The following DBF4B variants were observed in gnomAD, a reference collection of about 807,000 sequenced individuals.
DBF4B encodes the protein DBF4B-CDC7 kinase regulatory subunit.
Under a neutral mutation model 53.4 loss-of-function variants are expected in DBF4B, and 49 were observed. That is an observed-to-expected ratio of 0.92 (90% CI 0.73 to 1.16). The LOEUF (loss-of-function observed/expected upper bound fraction) is 1.16, where lower values mean the gene tolerates loss of function less well. Ranked by LOEUF, DBF4B falls within the 50% of genes most tolerant of loss-of-function variation. DBF4B has a pLI of 0.00. For missense variants in DBF4B, 692 were observed against 775.0 expected (o/e 0.89, Z 1.27); for synonymous variants, 257 against 288.7 (o/e 0.89, Z 1.11).
chr17:44,748,254 T>C (rs2049162236), intron 12 of DBF4B, 87 bp from the exon 13 acceptor site: 1 of 1,494,950 alleles, frequency 6.7e-7, no homozygotes, highest in Non-Finnish European at 9.0e-7. Context: ...AACCGCCAGC[T>C]GTGGCAGCTC....
At chr17:44,745,648 T>G (rs899281958) in intron 10 of DBF4B, among the ~76,000 whole-genome samples, 2 of 152,194 alleles carry the variant, frequency 1.3e-5, no homozygotes, top group Non-Finnish European at 2.9e-5. Flanking sequence ...CCATTGACAC[T>G]TGGGGATTAT....
At chr17:44,736,122 C>T (rs563221485) in intron 7 of DBF4B, among the ~76,000 whole-genome samples, 40 of 151,604 alleles carry the variant, frequency 2.6e-4, no homozygotes, top group African/African-American at 5.6e-4. Flanking sequence ...GCTAGGACTA[C>T]GGGCATGCGC....
intron 2 of DBF4B, among the ~76,000 whole-genome samples, chr17:44,710,974 TGA>T (rs1972816174): frequency 7.3e-6 from 1 of 136,824 alleles, no homozygotes; most frequent in African/African-American, 2.5e-5. Flanking sequence ...TATTCCAGTT[TGA>T]TTTTTTTTTT....
At chr17:44,717,615 A>C (rs1486899877) in intron 2 of DBF4B, among the ~76,000 whole-genome samples, 1 of 151,594 alleles carries the variant, frequency 6.6e-6, no homozygotes, top group Non-Finnish European at 1.5e-5. Flanking sequence ...AGGCTGAGGC[A>C]GGAGAATCAC....
chr17:44,723,883 G>T (rs1264971930), intron 3 of DBF4B, among the ~76,000 whole-genome samples: 1 of 152,202 alleles, frequency 6.6e-6, no homozygotes, highest in East Asian at 1.9e-4. Context: ...GGCTGAGGAG[G>T]ACAGATCACT....
At chr17:44,726,902 C>T (rs994603992) in intron 3 of DBF4B, among the ~76,000 whole-genome samples, 8 of 152,042 alleles carry the variant, frequency 5.3e-5, no homozygotes, top group Non-Finnish European at 1.2e-4. Context: ...AGTTCAAGGC[C>T]AGCCTGGCCA....
Position 44,751,675 on chromosome 17 carries a change from C to T in DBF4B, c.*422C>T. 7.1e-7 allele frequency: 1 copy of T among 1,402,036 alleles called. No individual in the cohort carries two copies. The highest frequency in any genetic ancestry group is 9.3e-7 in the Non-Finnish European group (1 of 1,080,286). The allele number at this position is 1,402,036 out of a possible 1,614,324, so 86.8% of individuals were successfully genotyped here. A position where few individuals can be genotyped will look rare whatever the true frequency, so the allele number is the denominator to read the frequency against. ...GGCTCCCACCTTCTGTTCTCTGGCT[C>T]CTTCCTGCGGTCTATACCTACCGCC... On this transcript the variant is annotated 3_prime_UTR_variant, in exon 14 of 14. Transcript: ENST00000315005.
chr17:44,747,230 C>A, intron 11 of DBF4B, 39 bp downstream of exon 11: 1 of 1,608,792 alleles, frequency 6.2e-7, no homozygotes, highest in Non-Finnish European at 8.5e-7. Flanking sequence ...TCCCAGAGTG[C>A]CCTGAGGGAG....
intron 2 of DBF4B, among the ~76,000 whole-genome samples, chr17:44,712,002 C>G (rs1598751873): frequency 6.6e-6 from 1 of 150,668 alleles, no homozygotes; most frequent in East Asian, 2.0e-4. Context: ...GAGGCTGAAG[C>G]AGGAGAATTG....
rs772111644 is a variant in DBF4B at position 44,722,862 on chromosome 17, C to G, written c.83-18C>G. 2 of 1,612,264 alleles carry G rather than the reference C, an allele frequency of 1.2e-6. No individual in the cohort carries two copies. Among genetic ancestry groups the G allele is most frequent in the Non-Finnish European group, 1.7e-6 (2 of 1,179,476 alleles). On this transcript the variant is annotated intron_variant, in intron 2 of 13. Coordinates refer to ENST00000315005, the MANE Select transcript of DBF4B (RefSeq NM_145663.3). ...TCTTTTCAAACTTCTTACTTTGCTC[C>G]TCTTTATTGTTTTCTAGGAGTTTCC...
chr17:44,734,820 G>C lies in DBF4B; in HGVS notation c.630+657G>C, dbSNP rs551206500. Among the ~76,000 whole-genome samples the C allele has an allele frequency of 3.3e-5, 5 of 152,366 alleles. No homozygotes were observed. In the South Asian group the frequency reaches 1.0e-3, roughly 32 times the overall value. On this transcript the variant is annotated intron_variant, in intron 7 of 13. Coordinates refer to ENST00000315005, the MANE Select transcript of DBF4B (RefSeq NM_145663.3). Reference sequence around the variant, plus strand: ...GCAAGCCACATCCAAAGTGGATGGAGCAGCTGGGCATGGTGGCTCACACCT... The same window carrying C: ...GCAAGCCACATCCAAAGTGGATGGACCAGCTGGGCATGGTGGCTCACACCT...
rs1462777458 is a variant in DBF4B at position 44,751,790 on chromosome 17, C to G, written c.*537C>G. ...AGATCATCTATTCCAAGGTCATGGA[C>G]AGGCTACTGGTGACCAAAGTTGGTT... On this transcript the variant is annotated 3_prime_UTR_variant, in exon 14 of 14. Coordinates refer to ENST00000315005, the MANE Select transcript of DBF4B (RefSeq NM_145663.3). 2.0e-6 allele frequency: 3 copies of G among 1,515,306 alleles called. No homozygotes were observed. Among genetic ancestry groups the G allele is most frequent in the African/African-American group, 1.4e-5 (1 of 72,554 alleles). 93.9% of individuals were successfully genotyped at this position (1,515,306 alleles called of 1,614,324 possible).
chr17:44,728,141 A>G (rs1216078817), intron 3 of DBF4B, among the ~76,000 whole-genome samples: 1 of 152,136 alleles, frequency 6.6e-6, no homozygotes, highest in Non-Finnish European at 1.5e-5. Flanking sequence ...GGAAAGACCA[A>G]GATGGCCTCA....
In DBF4B at chr17:44,751,952, C is replaced by T. The variant is rs923789820; in HGVS notation, c.*699C>T. 2.7e-5 allele frequency: 42 copies of T among 1,535,658 alleles called. No individual in the cohort carries two copies. The highest frequency in any genetic ancestry group is 3.3e-4 in the Middle Eastern group (2 of 6,006). The stretch of plus-strand genomic sequence containing the variant: ...TTCGTTCATTCAGCACAGGCCTTGC[C>T]GTCTGCCCTGAGTCAGCTCCGAGAC... On this transcript the variant is annotated 3_prime_UTR_variant, in exon 14 of 14. Coordinates refer to ENST00000315005, the MANE Select transcript of DBF4B (RefSeq NM_145663.3).
chr17:44,715,364 T>C (rs1973233019), intron 2 of DBF4B, among the ~76,000 whole-genome samples: 1 of 151,476 alleles, frequency 6.6e-6, no homozygotes, highest in Non-Finnish European at 1.5e-5. Flanking sequence ...CCTGGCTAAT[T>C]TTTTGTATTT....
chr17:44,734,428 G>C (rs1975154858), intron 7 of DBF4B, among the ~76,000 whole-genome samples: 2 of 152,200 alleles, frequency 1.3e-5, no homozygotes, highest in Non-Finnish European at 2.9e-5. Context: ...TGGGCCATGG[G>C]CTCCCTACAG....
At chr17:44,717,986 ACTGC>A (rs1235713781) in intron 2 of DBF4B, among the ~76,000 whole-genome samples, 1 of 152,168 alleles carries the variant, frequency 6.6e-6, no homozygotes, top group Admixed American at 6.5e-5. Flanking sequence ...TGATCACACC[ACTGC>A]ACTCTAGCCT....
Position 44,732,200 on chromosome 17 carries a change from G to A in DBF4B, c.491G>A (p.Ser164Asn), listed in dbSNP as rs1974898953. The A allele has an allele frequency of 1.9e-6, 3 of 1,614,050 alleles. No individual in the cohort carries two copies. The highest frequency in any genetic ancestry group is 1.1e-5 in the South Asian group (1 of 91,076). ...CAGGGGAGCATCAGTGGAGGAGGCA[G>A]TGGGGGCAGCAGCAGCCTCCTGACC... is the stretch of plus-strand genomic sequence containing the variant. Reference protein sequence around the residue: ...RNQGSISGGGSGGSSSLLTNA... With the variant: ...RNQGSISGGGNGGSSSLLTNA... The change falls in exon 6 of 14, where the codon AGT becomes AAT. Residue 164 changes from serine to asparagine, a missense_variant. Ser to Asn is a conservative substitution (Grantham distance 46). This residue lies in a region of DBF4B where 597 missense variants were observed against 665.8 expected (regional missense o/e 0.90). Transcript: ENST00000315005.
chr17:44,736,642 G>A (rs965182171), intron 7 of DBF4B, among the ~76,000 whole-genome samples, 188 bp from the exon 8 acceptor site: 24 of 152,182 alleles, frequency 1.6e-4, no homozygotes, highest in African/African-American at 5.3e-4. Flanking sequence ...CTTATTCATC[G>A]TGTTGCCGAA....
Sources: gnomAD v4.1 joint callset for allele counts (sites outside exome capture counted in the v4.1 genomes callset) on GRCh38, gnomAD v4.1.1 for gene constraint, gnomAD v4.1.1 regional missense constraint, MANE v1.5 for transcripts, NCBI Gene and HGNC (gene_info 2026-07-23, HGNC 2026-07-21) for gene names.